The following THRAP3 variants were observed in gnomAD, a reference collection of about 807,000 sequenced individuals.
THRAP3 encodes the protein thyroid hormone receptor associated protein 3.
THRAP3 carries 16 observed loss-of-function variants against 101.0 expected under a neutral mutation model. That is an observed-to-expected ratio of 0.16 (90% CI 0.11 to 0.24). The LOEUF (loss-of-function observed/expected upper bound fraction) is 0.24. Ranked by LOEUF, THRAP3 falls within the 10% of genes least tolerant of loss-of-function variation. THRAP3 has a pLI of 1.00. For missense variants in THRAP3, 989 were observed against 1,202.7 expected, an observed-to-expected ratio of 0.82 and a Z score of 2.63; for synonymous variants, 407 against 422.6, an observed-to-expected ratio of 0.96 and a Z score of 0.45.
intron 2 of THRAP3, among the ~76,000 whole-genome samples, chr1:36,278,346 G>A (rs1411614471): frequency 2.0e-5 from 3 of 152,136 alleles, no homozygotes; most frequent in African/African-American, 7.2e-5. Context: ...GATTACAGGC[G>A]TGAGTCACTG....
At chr1:36,208,736 G>A in the THRAP3 span, among the ~76,000 whole-genome samples, 41 of 151,896 alleles carry the variant, frequency 2.7e-4, no homozygotes, top group Admixed American at 1.8e-3. Context: ...GCACGATCTC[G>A]CCTCACTGAA....
intron 8 of THRAP3, 45 bp from the exon 9 acceptor site, chr1:36,296,538 A>G: frequency 6.8e-7 from 1 of 1,469,586 alleles, no homozygotes; most frequent in Non-Finnish European, 9.1e-7. Flanking sequence ...TTGAGTTGAC[A>G]GCTCTGAATC....
At chr1:36,226,022 C>G (rs1227447810) in intron 1 of THRAP3, among the ~76,000 whole-genome samples, 2 of 152,180 alleles carry the variant, frequency 1.3e-5, no homozygotes, top group Admixed American at 6.5e-5. Flanking sequence ...GTTTTGTAGA[C>G]TAGGTACAGT....
At chr1:36,266,165 A>AAG (rs940609569) in intron 2 of THRAP3, among the ~76,000 whole-genome samples, 12 of 150,194 alleles carry the variant, frequency 8.0e-5, no homozygotes, top group Non-Finnish European at 1.8e-4. Flanking sequence ...AAAAAGAAAA[A>AAG]AAAAAAAAAG....
At position 36,229,124 on chromosome 1, in the gene THRAP3, G is replaced by T. The variant is rs139579338; in HGVS notation, c.-135+4619G>T. 2.2e-3 allele frequency among the ~76,000 whole-genome samples: 335 copies of T among 152,162 alleles called. 3 individuals are homozygous for T. Among genetic ancestry groups the T allele is most frequent in the African/African-American group, 7.7e-3 (320 of 41,514 alleles). ...ATTTTTTTTTATTTTTTGAGATGGA[G>T]CCTCGCTCTGTTGCCCAGGTTGGAG... On this transcript the variant is annotated intron_variant, in intron 1 of 11. Coordinates refer to ENST00000354618, the MANE Select transcript of THRAP3 (RefSeq NM_005119.4).
intron 2 of THRAP3, among the ~76,000 whole-genome samples, chr1:36,273,641 C>A (rs1645617986): frequency 6.6e-6 from 1 of 152,172 alleles, no homozygotes; most frequent in South Asian, 2.1e-4. Flanking sequence ...GTAAAATCAT[C>A]TCTTTTTGCA....
chr1:36,269,892 T>A (rs188993630), intron 2 of THRAP3, among the ~76,000 whole-genome samples: 31 of 152,264 alleles, frequency 2.0e-4, no homozygotes, highest in Admixed American at 5.2e-4. Context: ...TCTCTTTTTT[T>A]AAATAAAGTC....
intron 1 of THRAP3, among the ~76,000 whole-genome samples, chr1:36,245,061 C>T (rs567212992): frequency 1.3e-5 from 2 of 152,006 alleles, no homozygotes; most frequent in Admixed American, 1.3e-4. Context: ...GAAAACCTTA[C>T]TTTGTTCCTC....
At chr1:36,288,747 A>G (rs1363463874) in intron 4 of THRAP3, 6 of 985,342 alleles carry the variant, frequency 6.1e-6, no homozygotes, top group South Asian at 4.7e-5. Context: ...CCTAGATCAC[A>G]TTACAGGTAA....
chr1:36,231,310 G>A lies in THRAP3; in HGVS notation c.-135+6805G>A, dbSNP rs17492511. Among the ~76,000 whole-genome samples the A allele has an allele frequency of 3.8e-3, 586 of 152,280 alleles. 1 individual carries two copies. The highest frequency in any genetic ancestry group is 7.1e-3 in the Non-Finnish European group (482 of 68,026). Reference sequence around the variant, plus strand: ...CCAAACTGAAGAAAAACAGACTTTTGGAGAGCATAGAGGCATTGGTCTCAC... The same window carrying A: ...CCAAACTGAAGAAAAACAGACTTTTAGAGAGCATAGAGGCATTGGTCTCAC... On this transcript the variant is annotated intron_variant, in intron 1 of 11. Transcript: ENST00000354618.
intron 2 of THRAP3, among the ~76,000 whole-genome samples, chr1:36,264,699 T>G (rs984228898): frequency 2.6e-5 from 4 of 152,256 alleles, no homozygotes; most frequent in Admixed American, 2.0e-4. Flanking sequence ...TATCTATCTC[T>G]TTTGGTCTTA....
intron 2 of THRAP3, among the ~76,000 whole-genome samples, chr1:36,272,340 C>T (rs1645602681): frequency 6.6e-6 from 1 of 152,150 alleles, no homozygotes; most frequent in African/African-American, 2.4e-5. Flanking sequence ...ATTTACCTTA[C>T]TTAATAACTT....
the THRAP3 span, among the ~76,000 whole-genome samples, chr1:36,213,945 AAGAAAGAAAGAAAGAAGGAAAG>A: frequency 1.0e-3 from 128 of 127,458 alleles, 2 homozygotes; most frequent in African/African-American, 3.7e-3. Context: ...GAAAGAAAGA[AAGAAAGAAAGAAAGAAGGAAAG>A]AGAAAGAAAG....
chr1:36,299,020 C>G (rs1479365608), intron 9 of THRAP3, among the ~76,000 whole-genome samples: 2 of 152,196 alleles, frequency 1.3e-5, no homozygotes, highest in Non-Finnish European at 2.9e-5. Context: ...TCTAGAACTC[C>G]TGGGCTCAAG....
rs1184906161 is a variant in THRAP3 at position 36,301,769 on chromosome 1, T to C, written c.2646+73T>C. On this transcript the variant is annotated intron_variant, in intron 11 of 11. Transcript: ENST00000354618. ...CAGAGTAGCTGATACCAAGCCTTAA[T>C]TAGTTTGTCCAAAACTGCGATTAAA... 2.0e-6 allele frequency: 3 copies of C among 1,533,374 alleles called. No homozygotes were observed. The South Asian group carries it at 3.8e-5, about 20-fold the overall frequency. The allele number at this position is 1,533,374 out of a possible 1,614,324, so 95.0% of individuals were successfully genotyped here.
At chr1:36,293,028 C>CTT (rs71053920) in intron 7 of THRAP3, among the ~76,000 whole-genome samples, 1 of 82,796 alleles carries the variant, frequency 1.2e-5, no homozygotes, top group African/African-American at 4.2e-5. Flanking sequence ...CTTTTCTTGT[C>CTT]TTTTTTTTTT....
chr1:36,261,639 C>T (rs1014913119), intron 2 of THRAP3, among the ~76,000 whole-genome samples: 1 of 152,140 alleles, frequency 6.6e-6, no homozygotes, highest in Non-Finnish European at 1.5e-5. Context: ...TCACATGTAT[C>T]TGGACTAAGT....
intron 1 of THRAP3, among the ~76,000 whole-genome samples, chr1:36,245,139 T>G (rs1369976788): frequency 6.6e-6 from 1 of 151,588 alleles, no homozygotes; most frequent in Non-Finnish European, 1.5e-5. Context: ...ATTATATAGA[T>G]CTCTGCATGT....
chr1:36,270,571 G>GTTTT lies in THRAP3; in HGVS notation c.-32+11089_-32+11092dup, dbSNP rs532301363. Among the ~76,000 whole-genome samples, 15 of 31,868 alleles carry GTTTT rather than the reference G, an allele frequency of 4.7e-4. 6 individuals carry two copies. Among genetic ancestry groups the GTTTT allele is most frequent in the Non-Finnish European group, 1.1e-3 (14 of 12,672 alleles). The allele number at this position is 31,868 out of a possible 152,430, so 20.9% of individuals were successfully genotyped here. ...TAAAAATACAGTTCTATTTGTTTAG[G>GTTTT]TTTTTGTTTTTTTTTTTTTTTTTGA... On this transcript the variant is annotated intron_variant, in intron 2 of 11. Coordinates refer to ENST00000354618, the MANE Select transcript of THRAP3 (RefSeq NM_005119.4).
Sources: allele counts gnomAD v4.1 joint callset (sites outside exome capture counted in the v4.1 genomes callset), GRCh38; gene constraint gnomAD v4.1.1; transcripts MANE v1.5; gene names NCBI Gene and HGNC (gene_info 2026-07-23, HGNC 2026-07-21).